The following ATXN10 variants were observed in gnomAD, a reference collection of about 807,000 sequenced individuals.
ATXN10 encodes the protein ataxin-10.
ATXN10 carries 28 observed loss-of-function variants against 52.9 expected under a neutral mutation model. The ratio of observed to expected loss-of-function variants is 0.53; its 90% CI spans 0.39 to 0.73. ATXN10 has a LOEUF of 0.73. Among genes scored for constraint, ATXN10 ranks in the 30% least tolerant of loss-of-function variants. The pLI is 0.00. For missense variants in ATXN10, 565 were observed against 577.0 expected (o/e 0.98, Z 0.21); for synonymous variants, 226 against 221.5 (o/e 1.02, Z -0.18).
intron 9 of ATXN10, chr22:45,793,722 C>T (rs746295139): frequency 1.4e-6 from 2 of 1,466,276 alleles, no homozygotes; most frequent in Non-Finnish European, 1.8e-6. Flanking sequence ...CTCTTGCCTG[C>T]TACTGAGGAG....
intron 9 of ATXN10, 95 bp from the exon 10 acceptor site, chr22:45,806,864 A>G (rs1041461728): frequency 1.1e-6 from 1 of 949,742 alleles, no homozygotes; most frequent in Non-Finnish European, 1.7e-6. Flanking sequence ...ATATTATAAC[A>G]TTGAGTAAGA....
At chr22:45,686,854 C>T (rs1923162333) in intron 1 of ATXN10, among the ~76,000 whole-genome samples, 1 of 150,822 alleles carries the variant, frequency 6.6e-6, no homozygotes, top group Non-Finnish European at 1.5e-5. Flanking sequence ...AAGTTTCTCC[C>T]AGGCAGAGGA....
At chr22:45,831,566 C>A (rs756416566) in intron 10 of ATXN10, among the ~76,000 whole-genome samples, 7 of 152,128 alleles carry the variant, frequency 4.6e-5, no homozygotes, top group Non-Finnish European at 8.8e-5. Context: ...TCTTTTCATG[C>A]CAGGCATTGT....
At position 45,751,777 on chromosome 22, in the gene ATXN10, A is replaced by ATAATAATAT. The variant is rs1925982848; in HGVS notation, c.1173+11247_1173+11248insTTAATAATA. ...AAATAAAAAAAAAATAATAATAATA[A>ATAATAATAT]TAATAATAATAAGATGGGAAATGTC... On this transcript the variant is annotated intron_variant, in intron 9 of 11. Transcript: ENST00000252934. 2.0e-5 allele frequency among the ~76,000 whole-genome samples: 3 copies of ATAATAATAT among 147,418 alleles called. No individual in the cohort carries two copies. The East Asian group carries it at 5.9e-4, about 29-fold the overall frequency.
intron 7 of ATXN10, among the ~76,000 whole-genome samples, chr22:45,730,942 G>A (rs1453180774): frequency 6.6e-6 from 1 of 152,074 alleles, no homozygotes. Flanking sequence ...TTCTTTATAG[G>A]AGATTCCTAG....
chr22:45,764,352 C>A (rs1374734840), intron 9 of ATXN10, among the ~76,000 whole-genome samples: 1 of 151,992 alleles, frequency 6.6e-6, no homozygotes, highest in Non-Finnish European at 1.5e-5. Flanking sequence ...GGTAAGTTTC[C>A]GTGGAAGGGT....
rs1255267358 is a variant in ATXN10, at chr22:45,690,215, T to C, written c.308+312T>C. Among the ~76,000 whole-genome samples the C allele has an allele frequency of 1.3e-5, 2 of 151,718 alleles. No individual in the cohort carries two copies. The highest frequency in any genetic ancestry group is 3.9e-4 in the East Asian group (2 of 5,180). ...TGCTTGGGCCAGGGAGAGGCAGAGG[T>C]TGCAGTAATCTGAGATGATGCCATT... On this transcript the variant is annotated intron_variant, in intron 2 of 11. Coordinates refer to ENST00000252934, the MANE Select transcript of ATXN10 (RefSeq NM_013236.4). The surrounding 1 kb of genome is among the most constrained non-coding windows in gnomAD (Gnocchi z 4.5).
At chr22:45,686,090 G>T (rs1923124095) in intron 1 of ATXN10, among the ~76,000 whole-genome samples, 1 of 152,152 alleles carries the variant, frequency 6.6e-6, no homozygotes, top group Non-Finnish European at 1.5e-5. Flanking sequence ...ATTTCTTAAT[G>T]GGAAAGGGAG....
At position 45,840,970 on chromosome 22, in the gene ATXN10, TG is replaced by T. The variant is rs1929328341; in HGVS notation, c.1238-2020del. The stretch of plus-strand genomic sequence containing the variant: ...CCTACAAAAGGTGAGAAAATGAGTT[TG>T]TGTATCGACAGTGACATCCTGGGTG... On this transcript the variant is annotated intron_variant, in intron 10 of 11. Transcript: ENST00000252934. This position sits in a 1 kb window ranked among gnomAD's most constrained non-coding sequence, Gnocchi z 5.8. Among the ~76,000 whole-genome samples, 2 of 152,206 alleles carry T rather than the reference TG, an allele frequency of 1.3e-5. No homozygotes were observed. The highest frequency in any genetic ancestry group is 1.3e-4 in the Admixed American group (2 of 15,282).
chr22:45,755,183 G>T (rs1432361616), intron 9 of ATXN10, among the ~76,000 whole-genome samples: 1 of 152,220 alleles, frequency 6.6e-6, no homozygotes, highest in African/African-American at 2.4e-5. Context: ...TCCTGCAGCA[G>T]TGGCCCATTC....
rs1927329180 is a variant in ATXN10, at chr22:45,786,523, C to G, written c.1174-20436C>G. ...GCCCGCACTTTATCACCCTTCCTGC[C>G]AGGGCATTGCTCCCTGGTCGGAAGG... On this transcript the variant is annotated intron_variant, in intron 9 of 11. Coordinates refer to ENST00000252934, the MANE Select transcript of ATXN10 (RefSeq NM_013236.4). This position sits in a 1 kb window ranked among gnomAD's most constrained non-coding sequence, Gnocchi z 4.1. Among the ~76,000 whole-genome samples the G allele has an allele frequency of 6.6e-6, 1 of 152,216 alleles. No homozygotes were observed. The highest frequency in any genetic ancestry group is 2.1e-4 in the South Asian group (1 of 4,836).
chr22:45,716,071 G>A (rs1056483531), intron 5 of ATXN10, among the ~76,000 whole-genome samples: 6 of 152,094 alleles, frequency 3.9e-5, no homozygotes, highest in African/African-American at 1.4e-4. Flanking sequence ...ACCAGCCAGA[G>A]CAACATAGTA....
chr22:45,683,500 CT>C lies in ATXN10; in HGVS notation c.117-6209del, dbSNP rs571092164. The stretch of plus-strand genomic sequence containing the variant: ...CTTCCCTGTGACGTGCTCTGTATGC[CT>C]TTGCCTCTAGTCCAAGCTCTTCTCC... On this transcript the variant is annotated intron_variant, in intron 1 of 11. Transcript: ENST00000252934. The surrounding 1 kb of genome is among the most constrained non-coding windows in gnomAD (Gnocchi z 4.8). Among the ~76,000 whole-genome samples, 31 of 152,278 alleles carry C rather than the reference CT, an allele frequency of 2.0e-4. No individual in the cohort carries two copies. The East Asian group carries it at 6.0e-3, about 29-fold the overall frequency.
chr22:45,725,978 A>C (rs1924853843), intron 6 of ATXN10, among the ~76,000 whole-genome samples: 1 of 152,156 alleles, frequency 6.6e-6, no homozygotes, highest in African/African-American at 2.4e-5. Context: ...ATGTTGAACC[A>C]TCCCTACATC....
chr22:45,707,047 GTTTATA>G (rs906894156), intron 5 of ATXN10, among the ~76,000 whole-genome samples: 8 of 135,012 alleles, frequency 5.9e-5, no homozygotes, highest in African/African-American at 2.4e-4. Flanking sequence ...ACACACACAT[GTTTATA>G]TTTATTATTG....
At position 45,750,603 on chromosome 22, in the gene ATXN10, C is replaced by A. The variant is rs1047746641; in HGVS notation, c.1173+10065C>A. Reference sequence around the variant, plus strand: ...TTTTTATTACTAGACCAATTAAAATCCCACTGTGAAAAATAAGCCATAATT... The same window carrying A: ...TTTTTATTACTAGACCAATTAAAATACCACTGTGAAAAATAAGCCATAATT... On this transcript the variant is annotated intron_variant, in intron 9 of 11. Transcript: ENST00000252934. This position sits in a 1 kb window ranked among gnomAD's most constrained non-coding sequence, Gnocchi z 4.2. 6.6e-6 allele frequency among the ~76,000 whole-genome samples: 1 copy of A among 151,976 alleles called. No homozygotes were observed. The highest frequency in any genetic ancestry group is 6.6e-5 in the Admixed American group (1 of 15,258).
chr22:45,800,989 A>G (rs1294012858), intron 9 of ATXN10, among the ~76,000 whole-genome samples: 1 of 152,228 alleles, frequency 6.6e-6, no homozygotes, highest in Admixed American at 6.5e-5. Context: ...GTGCAGATGC[A>G]CTTGGCAGTT....
rs1174855239 is a variant in ATXN10, at chr22:45,823,985, G to A, written c.1237+16963G>A. On this transcript the variant is annotated intron_variant, in intron 10 of 11. Transcript: ENST00000252934. The surrounding 1 kb of genome is among the most constrained non-coding windows in gnomAD (Gnocchi z 4.9). ...TTTTTGTGAGCTCCTTGAGAGCAAA[G>A]CACATCATGTTTACTTCTTCGTTTT... Among the ~76,000 whole-genome samples, 2 of 152,212 alleles carry A rather than the reference G, an allele frequency of 1.3e-5. No homozygotes were observed. The highest frequency in any genetic ancestry group is 2.1e-4 in the South Asian group (1 of 4,834).
At chr22:45,751,517 T>C (rs1925948565) in intron 9 of ATXN10, among the ~76,000 whole-genome samples, 1 of 151,970 alleles carries the variant, frequency 6.6e-6, no homozygotes, top group African/African-American at 2.4e-5. Context: ...TTTTCCCCTT[T>C]AAAGGAATAG....
Sources: gnomAD v4.1 joint callset for allele counts (sites outside exome capture counted in the v4.1 genomes callset) on GRCh38, gnomAD v4.1.1 for gene constraint, Gnocchi (gnomAD v3.1) non-coding constraint, MANE v1.5 for transcripts, NCBI Gene and HGNC (gene_info 2026-07-23, HGNC 2026-07-21) for gene names.